Variants in DDX41 observed in about 807,000 individuals in gnomAD.
DDX41 encodes DEAD-box helicase 41, also known as probable ATP-dependent RNA helicase DDX41.
Under a neutral mutation model 78.8 loss-of-function variants are expected in DDX41, and 50 were observed. That is an observed-to-expected ratio of 0.63 (90% CI 0.51 to 0.80). DDX41 has a LOEUF of 0.80. DDX41 is among the 30% of genes least tolerant of loss of function. The pLI, the probability that DDX41 is intolerant of heterozygous loss-of-function variation, is 0.00. For synonymous variants in DDX41, 381 were observed against 321.5 expected (o/e 1.19, Z -1.98); for missense variants, 633 against 849.2 (o/e 0.75, Z 3.16).
chr5:177,513,246 AC>A lies in DDX41; in HGVS notation c.1230+106del. On this transcript the variant is annotated intron_variant, in intron 11 of 16. Coordinates refer to ENST00000330503, the MANE Select transcript of DDX41 (RefSeq NM_016222.4). This position sits in a 1 kb window ranked among gnomAD's most constrained non-coding sequence, Gnocchi z 4.6. Reference sequence around the variant, plus strand: ...TTAAGCGTCAGGGGCTTTGAATGAAACCCCCGGTTCCCACAAGGTGGACCCC... The same window carrying A: ...TTAAGCGTCAGGGGCTTTGAATGAAACCCCGGTTCCCACAAGGTGGACCCC... 1 of 1,561,536 alleles carries A rather than the reference AC, an allele frequency of 6.4e-7. No homozygotes were observed. Among genetic ancestry groups the A allele is most frequent in the African/African-American group, 1.4e-5 (1 of 73,358 alleles).
rs1761252050 is a variant in DDX41 at position 177,516,709 on chromosome 5, GA to G, written c.138+15del. On this transcript the variant is annotated intron_variant, in intron 2 of 16. Transcript: ENST00000330503. ...GCGGTCACGGCCCCATCCCTCCCCG[GA>G]CGCGTGCCCCTCACCAGTAGCTGCC... The G allele has an allele frequency of 1.3e-6, 2 of 1,574,558 alleles. No individual in the cohort carries two copies.
chr5:177,513,161 A>C lies in DDX41; in HGVS notation c.1231-79T>G. ...AGCCCTGCCATGGCCCGTCATCTGGACCAGGAGGTGACCAGAAGCCTCTGG... is the reference window on the plus strand; with the variant it reads ...AGCCCTGCCATGGCCCGTCATCTGGCCCAGGAGGTGACCAGAAGCCTCTGG... On this transcript the variant is annotated intron_variant, in intron 11 of 16. Coordinates refer to ENST00000330503, the MANE Select transcript of DDX41 (RefSeq NM_016222.4). The surrounding 1 kb of genome is among the most constrained non-coding windows in gnomAD (Gnocchi z 4.6). 6.5e-7 allele frequency: 1 copy of C among 1,546,452 alleles called. No homozygotes were observed.
Position 177,513,966 on chromosome 5 carries a change from C to T in DDX41, c.936-119G>A, listed in dbSNP as rs1761104619. On this transcript the variant is annotated intron_variant, in intron 9 of 16. Coordinates refer to ENST00000330503, the MANE Select transcript of DDX41 (RefSeq NM_016222.4). This position sits in a 1 kb window ranked among gnomAD's most constrained non-coding sequence, Gnocchi z 4.6. Reference sequence around the variant, plus strand: ...CTCCTTCCTATTTCTTTGTCTGTCCCCTTCTCATCATTCCCACCACCTGCC... The same window carrying T: ...CTCCTTCCTATTTCTTTGTCTGTCCTCTTCTCATCATTCCCACCACCTGCC... 1.9e-6 allele frequency: 2 copies of T among 1,048,076 alleles called. No homozygotes were observed. The highest frequency in any genetic ancestry group is 1.6e-5 in the African/African-American group (1 of 63,658). 64.9% of individuals were successfully genotyped at this position (1,048,076 alleles called of 1,614,324 possible).
At chr5:177,516,582 C>A (rs1221948022) in intron 2 of DDX41, 135 bp from the exon 3 acceptor site, 1 of 1,388,980 alleles carries the variant, frequency 7.2e-7, no homozygotes, top group Non-Finnish European at 9.9e-7. Flanking sequence ...AGCCGTCGGT[C>A]CCTCGTTTGT....
rs774477210 is a variant in DDX41 at position 177,513,489 on chromosome 5, G to A, written c.1099-5C>T. On this transcript the variant is annotated splice_region_variant and splice_polypyrimidine_tract_variant and intron_variant, in intron 10 of 16. Coordinates refer to ENST00000330503, the MANE Select transcript of DDX41 (RefSeq NM_016222.4). This position sits in a 1 kb window ranked among gnomAD's most constrained non-coding sequence, Gnocchi z 4.6. ...GAGCAGGGTCTGTCGCTGGCCCTGAGGAAGAGGGGGGCTGCGACCAAGGGC... is the reference window on the plus strand; with the variant it reads ...GAGCAGGGTCTGTCGCTGGCCCTGAAGAAGAGGGGGGCTGCGACCAAGGGC... The A allele has an allele frequency of 1.2e-6, 2 of 1,614,132 alleles. No homozygotes were observed. The highest frequency in any genetic ancestry group is 1.3e-5 in the African/African-American group (1 of 75,072).
chr5:177,515,664 C>T, intron 6 of DDX41, 21 bp downstream of exon 6: 1 of 1,612,856 alleles, frequency 6.2e-7, no homozygotes, highest in Middle Eastern at 1.7e-4. Context: ...AGTGTGGTAT[C>T]TCTCTCCAGC....
Position 177,516,724 on chromosome 5 carries a change from C to G in DDX41, c.138+1G>C. ...TCCCTCCCCGGACGCGTGCCCCTCA[C>G]CAGTAGCTGCCGGCGCTGCCGTAAC... is the stretch of plus-strand genomic sequence containing the variant. On this transcript the variant is annotated splice_donor_variant, in intron 2 of 16. Transcript: ENST00000330503. LOFTEE classifies it high-confidence loss of function. The G allele has an allele frequency of 8.8e-6, 14 of 1,595,616 alleles. No homozygotes were observed. Among genetic ancestry groups the G allele is most frequent in the African/African-American group, 1.3e-5 (1 of 74,606 alleles).
At position 177,514,569 on chromosome 5, in the gene DDX41, G is replaced by A; in HGVS notation, c.935+132C>T. The A allele has an allele frequency of 7.8e-7, 1 of 1,286,674 alleles. No homozygotes were observed. The highest frequency in any genetic ancestry group is 1.1e-6 in the Non-Finnish European group (1 of 937,758). The allele number at this position is 1,286,674 out of a possible 1,614,324, so 79.7% of individuals were successfully genotyped here. A position where few individuals can be genotyped will look rare whatever the true frequency, so the allele number is the denominator to read the frequency against. On this transcript the variant is annotated intron_variant, in intron 9 of 16. Coordinates refer to ENST00000330503, the MANE Select transcript of DDX41 (RefSeq NM_016222.4). The surrounding 1 kb of genome is among the most constrained non-coding windows in gnomAD (Gnocchi z 4.2). The stretch of plus-strand genomic sequence containing the variant: ...CCCAACTAACCTCCCCATTAGACTG[G>A]GAGCTCCTTGAGGGTCGCACTCACA...
At position 177,516,439 on chromosome 5, in the gene DDX41, C is replaced by T; in HGVS notation, c.147G>A (p.Lys49=). The part of the protein sequence containing the change: ...LRQRRQLLLQ[K]LLQRRRKGAA... ...CTCCCTTGCGTCTTCGCTGCAGCAG[C>T]TTCTGGAGCTGAGGTTCCACCCGGG... Residue 49 remains lysine, a synonymous_variant, in exon 3 of 17, where the codon AAG becomes AAA. Coordinates refer to ENST00000330503, the MANE Select transcript of DDX41 (RefSeq NM_016222.4). 6.2e-7 allele frequency: 1 copy of T among 1,613,620 alleles called. No homozygotes were observed. Among genetic ancestry groups the T allele is most frequent in the East Asian group, 2.2e-5 (1 of 44,886 alleles).
chr5:177,515,691 G>A lies in DDX41; in HGVS notation c.565C>T (p.Pro189Ser), dbSNP rs1450576850. Residue 189 changes from proline (P) to serine (S), a missense_variant, in exon 6 of 17, where the codon CCT becomes TCT. This residue lies in a region of DDX41 where 126 missense variants were observed against 115.5 expected (regional missense o/e 1.09). Coordinates refer to ENST00000330503, the MANE Select transcript of DDX41 (RefSeq NM_016222.4). The part of the protein sequence containing the change: ...PIKSFKEMKF[P>S]AAILRGLKKK... Reference sequence around the variant, plus strand: ...CTCTCCAGCCCCTGACTACCTGCAGGAAACTTCATTTCCTTGAAGCTCTTG... The same window carrying A: ...CTCTCCAGCCCCTGACTACCTGCAGAAAACTTCATTTCCTTGAAGCTCTTG... The A allele has an allele frequency of 8.1e-6, 13 of 1,613,896 alleles. No homozygotes were observed. Among genetic ancestry groups the A allele is most frequent in the South Asian group, 3.3e-5 (3 of 91,082 alleles).
rs372190702 is a variant in DDX41, at chr5:177,513,085, G to C, written c.1231-3C>G. ...TCCTCCTTCACATATTCTACCTCCT[G>C]CCACCACAAAGATCAGGTCAGGTGA... On this transcript the variant is annotated splice_region_variant and splice_polypyrimidine_tract_variant and intron_variant, in intron 11 of 16. Coordinates refer to ENST00000330503, the MANE Select transcript of DDX41 (RefSeq NM_016222.4). This position sits in a 1 kb window ranked among gnomAD's most constrained non-coding sequence, Gnocchi z 4.6. The C allele has an allele frequency of 1.9e-6, 3 of 1,613,012 alleles. No individual in the cohort carries two copies. The highest frequency in any genetic ancestry group is 2.5e-6 in the Non-Finnish European group (3 of 1,179,488).
chr5:177,512,647 T>C lies in DDX41; in HGVS notation c.1400-2A>G. 6.2e-7 allele frequency: 1 copy of C among 1,613,966 alleles called. No homozygotes were observed. Among genetic ancestry groups the C allele is most frequent in the South Asian group, 1.1e-5 (1 of 91,078 alleles). On this transcript the variant is annotated splice_acceptor_variant, in intron 13 of 16. Coordinates refer to ENST00000330503, the MANE Select transcript of DDX41 (RefSeq NM_016222.4). LOFTEE classifies it high-confidence loss of function. ...TGGCCTTAGTCCGTTCCTCCTGGTCTGGGGAGGGTCAGGCAGACACTGTCA... is the reference window on the plus strand; with the variant it reads ...TGGCCTTAGTCCGTTCCTCCTGGTCCGGGGAGGGTCAGGCAGACACTGTCA...
chr5:177,513,250 C>A lies in DDX41; in HGVS notation c.1230+103G>T, dbSNP rs1761063199. The A allele has an allele frequency of 6.4e-7, 1 of 1,570,214 alleles. No individual in the cohort carries two copies. Among genetic ancestry groups the A allele is most frequent in the Non-Finnish European group, 8.7e-7 (1 of 1,154,002 alleles). Reference sequence around the variant, plus strand: ...GCGTCAGGGGCTTTGAATGAAACCCCCGGTTCCCACAAGGTGGACCCCCGG... The same window carrying A: ...GCGTCAGGGGCTTTGAATGAAACCCACGGTTCCCACAAGGTGGACCCCCGG... On this transcript the variant is annotated intron_variant, in intron 11 of 16. Coordinates refer to ENST00000330503, the MANE Select transcript of DDX41 (RefSeq NM_016222.4). This position sits in a 1 kb window ranked among gnomAD's most constrained non-coding sequence, Gnocchi z 4.6.
Position 177,515,203 on chromosome 5 carries a change from G to C in DDX41, c.627C>G (p.Ile209Met). 1 of 1,614,030 alleles carries C rather than the reference G, an allele frequency of 6.2e-7. No homozygotes were observed. Among genetic ancestry groups the C allele is most frequent in the Non-Finnish European group, 8.5e-7 (1 of 1,180,024 alleles). The change falls in exon 7 of 17, where the codon ATC becomes ATG. Residue 209 changes from isoleucine (I) to methionine (M), a missense_variant. Physicochemically the swap from Ile to Met is conservative, Grantham distance 10. Coordinates refer to ENST00000330503, the MANE Select transcript of DDX41 (RefSeq NM_016222.4). Reference sequence around the variant, plus strand: ...ACACTCACATGGTGGGGATGCCCTGGATCTGAATGGGTGTTGGGTGGTGAA... The same window carrying C: ...ACACTCACATGGTGGGGATGCCCTGCATCTGAATGGGTGTTGGGTGGTGAA... Reference protein sequence around the residue: ...KGIHHPTPIQIQGIPTILSGR... With the variant: ...KGIHHPTPIQMQGIPTILSGR...
chr5:177,515,908 C>T, intron 5 of DDX41, 21 bp downstream of exon 5: 3 of 1,614,222 alleles, frequency 1.9e-6, no homozygotes, highest in African/African-American at 1.3e-5. Context: ...GCAAGGGCAA[C>T]TGCAGACTGT....
At position 177,515,070 on chromosome 5, in the gene DDX41, C is replaced by CT; in HGVS notation, c.645-2dup. 1 of 1,612,240 alleles carries CT rather than the reference C, an allele frequency of 6.2e-7. No homozygotes were observed. Among genetic ancestry groups the CT allele is most frequent in the African/African-American group, 1.3e-5 (1 of 75,020 alleles). On this transcript the variant is annotated splice_acceptor_variant, in intron 7 of 16. Transcript: ENST00000330503. LOFTEE classifies it high-confidence loss of function. ...GCCTATCATGTCACGGCCAGATAGA[C>CT]TGTTGGGAGAGGATGACCCGAGGGC...
rs544854753 is a variant in DDX41, at chr5:177,512,928, G to T, written c.1303-52C>A. On this transcript the variant is annotated intron_variant, in intron 12 of 16. Transcript: ENST00000330503. ...GGGGCTAACTGCCTGGGCACCCACC[G>T]CACCTCCCCTGGCACTCTGTCCCCT... The T allele has an allele frequency of 2.5e-6, 4 of 1,606,144 alleles. No homozygotes were observed. In the African/African-American group the frequency reaches 5.3e-5, roughly 21 times the overall value.
chr5:177,515,997 G>A lies in DDX41; in HGVS notation c.374-8C>T, dbSNP rs775230894. ...CCTTCACTGACATCAATGCTGAAGA[G>A]AGAGACATGGCTCAGGGCTGGCTCC... On this transcript the variant is annotated splice_region_variant and splice_polypyrimidine_tract_variant and intron_variant, in intron 4 of 16. Transcript: ENST00000330503. 9.9e-6 allele frequency: 16 copies of A among 1,614,088 alleles called. No individual in the cohort carries two copies. The South Asian group carries it at 1.4e-4, about 14-fold the overall frequency.
Position 177,514,894 on chromosome 5 carries a change from C to T in DDX41, c.798+22G>A, listed in dbSNP as rs760498538. The T allele has an allele frequency of 9.4e-6, 15 of 1,603,032 alleles. No individual in the cohort carries two copies. In the African/African-American group the frequency reaches 1.6e-4, roughly 17 times the overall value. On this transcript the variant is annotated intron_variant, in intron 8 of 16. Coordinates refer to ENST00000330503, the MANE Select transcript of DDX41 (RefSeq NM_016222.4). This position sits in a 1 kb window ranked among gnomAD's most constrained non-coding sequence, Gnocchi z 4.2. ...ATGGCAGCCCCAATCTCTGGCCTGC[C>T]CTCCAGGCCAGCCTATCTTACCGAG... is the stretch of plus-strand genomic sequence containing the variant.
Sources: gnomAD v4.1 joint callset for allele counts on GRCh38, gnomAD v4.1.1 for gene constraint, gnomAD v4.1.1 regional missense constraint, Gnocchi (gnomAD v3.1) non-coding constraint, MANE v1.5 for transcripts, NCBI Gene and HGNC (gene_info 2026-07-23, HGNC 2026-07-21) for gene names.